Variants in QTMAN observed in about 807,000 individuals in gnomAD.
The protein encoded by QTMAN is queuosine-tRNA mannosyltransferase.
At chr2:144,088,498 A>C in the QTMAN span, among the ~76,000 whole-genome samples, 1 of 152,116 alleles carries the variant, frequency 6.6e-6, no homozygotes, top group Non-Finnish European at 1.5e-5. Context: ...ACTAAAAAAG[A>C]GCCTAAATAG....
the QTMAN span, among the ~76,000 whole-genome samples, chr2:144,329,879 T>C: frequency 8.2e-4 from 125 of 152,140 alleles, no homozygotes; most frequent in African/African-American, 2.9e-3. Flanking sequence ...ATTTAAAGAG[T>C]ACCCACTACA....
At chr2:144,087,419 C>T in the QTMAN span, among the ~76,000 whole-genome samples, 1 of 151,920 alleles carries the variant, frequency 6.6e-6, no homozygotes, top group South Asian at 2.1e-4. Context: ...AACTCTTCCA[C>T]AAAACTGAAG....
At chr2:144,081,862 T>C in the QTMAN span, among the ~76,000 whole-genome samples, 1 of 152,158 alleles carries the variant, frequency 6.6e-6, no homozygotes, top group South Asian at 2.1e-4. Flanking sequence ...GGGTATATAC[T>C]GTTAACATAC....
chr2:143,955,710 T>C, the QTMAN span, among the ~76,000 whole-genome samples: 1 of 152,204 alleles, frequency 6.6e-6, no homozygotes, highest in Admixed American at 6.5e-5. Context: ...GTCAAGAAGG[T>C]AGGGCCTGGA....
the QTMAN span, among the ~76,000 whole-genome samples, chr2:144,219,480 G>A: frequency 6.6e-6 from 1 of 151,818 alleles, no homozygotes; most frequent in East Asian, 1.9e-4. Context: ...GGTGAAGCCA[G>A]TATTAGAAAC....
chr2:144,269,563 T>C, the QTMAN span, among the ~76,000 whole-genome samples: 1 of 152,282 alleles, frequency 6.6e-6, no homozygotes, highest in South Asian at 2.1e-4. Flanking sequence ...CAAAAATCTA[T>C]GGTCAAAGAT....
chr2:144,161,259 A>G, the QTMAN span, among the ~76,000 whole-genome samples: 3 of 152,166 alleles, frequency 2.0e-5, no homozygotes, highest in African/African-American at 7.2e-5. Flanking sequence ...TCACTTGGAC[A>G]TCACAACTGT....
the QTMAN span, among the ~76,000 whole-genome samples, chr2:143,990,608 A>G: frequency 6.6e-6 from 1 of 152,226 alleles, no homozygotes; most frequent in Non-Finnish European, 1.5e-5. Flanking sequence ...TCCTAATCTC[A>G]CACTGGGCTG....
the QTMAN span, among the ~76,000 whole-genome samples, chr2:144,163,836 G>A: frequency 6.6e-6 from 1 of 152,218 alleles, no homozygotes; most frequent in Non-Finnish European, 1.5e-5. Context: ...CATGGACTAT[G>A]AAGGCAGACT....
the QTMAN span, among the ~76,000 whole-genome samples, chr2:143,967,481 C>T: frequency 6.6e-6 from 1 of 152,110 alleles, no homozygotes; most frequent in Admixed American, 6.5e-5. Flanking sequence ...CCCGCGTGCA[C>T]TACCATGCCT....
the QTMAN span, chr2:144,208,861 T>G: frequency 2.1e-6 from 2 of 964,854 alleles, no homozygotes; most frequent in Non-Finnish European, 2.9e-6. Flanking sequence ...ATAAAATTTT[T>G]AATAAAAATA....
chr2:144,221,478 TATATC>T, the QTMAN span, among the ~76,000 whole-genome samples: 1 of 152,326 alleles, frequency 6.6e-6, no homozygotes, highest in East Asian at 1.9e-4. Flanking sequence ...ATGAAATGAA[TATATC>T]ATAATACGAG....
chr2:144,104,865 G>A, the QTMAN span, among the ~76,000 whole-genome samples: 2 of 152,202 alleles, frequency 1.3e-5, no homozygotes, highest in Non-Finnish European at 2.9e-5. Context: ...CCCAGTAGGG[G>A]CAGACTGACA....
At chr2:144,236,950 A>G in the QTMAN span, among the ~76,000 whole-genome samples, 1 of 152,062 alleles carries the variant, frequency 6.6e-6, no homozygotes, top group African/African-American at 2.4e-5. Flanking sequence ...GAAGGGAAAA[A>G]TTACCTTTTG....
At chr2:143,980,473 T>C in the QTMAN span, among the ~76,000 whole-genome samples, 2 of 152,204 alleles carry the variant, frequency 1.3e-5, no homozygotes. Flanking sequence ...CCCTATCACA[T>C]AGTCTAAAAA....
the QTMAN span, among the ~76,000 whole-genome samples, chr2:144,222,281 G>A: frequency 1.3e-5 from 2 of 151,044 alleles, no homozygotes; most frequent in African/African-American, 2.4e-5. Context: ...GGATGGTCTC[G>A]ATCTCCTGAC....
the QTMAN span, among the ~76,000 whole-genome samples, chr2:143,958,782 C>CTTTTTTT: frequency 2.4e-4 from 27 of 113,316 alleles, no homozygotes; most frequent in East Asian, 7.7e-4. Flanking sequence ...TTCTTTCTTT[C>CTTTTTTT]TTTTTTTTTT....
At chr2:143,978,606 T>C in the QTMAN span, among the ~76,000 whole-genome samples, 1 of 152,240 alleles carries the variant, frequency 6.6e-6, no homozygotes. Flanking sequence ...GGCCATGAAG[T>C]GTCTTAAGAC....
the QTMAN span, among the ~76,000 whole-genome samples, chr2:143,979,390 C>T: frequency 2.6e-5 from 4 of 152,190 alleles, no homozygotes; most frequent in East Asian, 5.8e-4. Flanking sequence ...TACAGCTGCA[C>T]GTGAATCTAT....
Sources: gnomAD v4.1 joint callset for allele counts (sites outside exome capture counted in the v4.1 genomes callset) on GRCh38, gnomAD v4.1.1 for gene constraint, MANE v1.5 for transcripts, NCBI Gene and HGNC (gene_info 2026-07-23, HGNC 2026-07-21) for gene names.